Variants in SEMA3A observed in about 807,000 individuals in gnomAD.
SEMA3A encodes the protein semaphorin-3A.
SEMA3A carries 29 observed loss-of-function variants against 97.9 expected under a neutral mutation model. That is an observed-to-expected ratio of 0.30 (90% CI 0.22 to 0.40). The LOEUF (loss-of-function observed/expected upper bound fraction) is 0.40, where lower values mean the gene tolerates loss of function less well. SEMA3A is among the 10% of genes least tolerant of loss of function. The pLI, the probability that SEMA3A is intolerant of heterozygous loss-of-function variation, is 1.00. For synonymous variants in SEMA3A, 321 were observed against 323.7 expected (o/e 0.99, Z 0.09); for missense variants, 763 against 951.3 (o/e 0.80, Z 2.60).
intron 6 of SEMA3A, among the ~76,000 whole-genome samples, chr7:84,042,416 T>G (rs1792167810): frequency 6.6e-6 from 1 of 152,040 alleles, no homozygotes; most frequent in Non-Finnish European, 1.5e-5. Flanking sequence ...CCCCAGGCCT[T>G]GGGATCCATG....
intron 3 of SEMA3A, among the ~76,000 whole-genome samples, chr7:84,213,171 T>G (rs1340121969): frequency 5.9e-5 from 9 of 151,954 alleles, no homozygotes; most frequent in African/African-American, 1.5e-4. Context: ...GAGATGGTGT[T>G]TCTCCATGTT....
chr7:84,133,811 G>A (rs1257298344), intron 2 of SEMA3A, among the ~76,000 whole-genome samples: 1 of 149,392 alleles, frequency 6.7e-6, no homozygotes, highest in Admixed American at 6.7e-5. Context: ...AGCACTTTGA[G>A]AGGCCAAGGC....
chr7:84,227,806 C>T (rs1799023790), intron 3 of SEMA3A, among the ~76,000 whole-genome samples: 1 of 151,892 alleles, frequency 6.6e-6, no homozygotes, highest in African/African-American at 2.4e-5. Flanking sequence ...CCTTCTTTGC[C>T]AGTTTGAAAT....
intron 12 of SEMA3A, among the ~76,000 whole-genome samples, chr7:83,985,736 A>G (rs1354948160): frequency 6.6e-6 from 1 of 152,220 alleles, no homozygotes; most frequent in African/African-American, 2.4e-5. Context: ...TTACTACAAT[A>G]TAAGGGAAAA....
rs1161357364 is a variant in SEMA3A at position 83,972,086 on chromosome 7, T to C, written c.1717+5046A>G. 2.0e-5 allele frequency among the ~76,000 whole-genome samples: 3 copies of C among 152,088 alleles called. No individual in the cohort carries two copies. The East Asian group carries it at 5.8e-4, about 29-fold the overall frequency. ...ACATATATATACACATACATATACA[T>C]AGATATAGGTATGAATATATATACA... On this transcript the variant is annotated intron_variant, in intron 15 of 16. Coordinates refer to ENST00000265362, the MANE Select transcript of SEMA3A (RefSeq NM_006080.3).
At chr7:84,018,278 T>G (rs1791184979) in intron 6 of SEMA3A, among the ~76,000 whole-genome samples, 2 of 152,110 alleles carry the variant, frequency 1.3e-5, no homozygotes, top group African/African-American at 4.8e-5. Flanking sequence ...AAGTCTAAGG[T>G]CTCTCACTAT....
chr7:84,403,892 G>C (rs1803984244), intron 1 of SEMA3A, among the ~76,000 whole-genome samples: 1 of 152,160 alleles, frequency 6.6e-6, no homozygotes, highest in African/African-American at 2.4e-5. Flanking sequence ...AAACCCATCT[G>C]TAGGTCACCA....
At chr7:84,472,881 G>A (rs999450610) in intron 1 of SEMA3A, among the ~76,000 whole-genome samples, 1 of 152,168 alleles carries the variant, frequency 6.6e-6, no homozygotes, top group Non-Finnish European at 1.5e-5. Flanking sequence ...TCCCAAAGTG[G>A]CAGATGATAT....
intron 1 of SEMA3A, among the ~76,000 whole-genome samples, chr7:84,381,181 A>T (rs1285107762): frequency 1.3e-5 from 2 of 152,178 alleles, no homozygotes; most frequent in Non-Finnish European, 2.9e-5. Context: ...ACTCTACTCA[A>T]TAAAGAGAGG....
intron 12 of SEMA3A, among the ~76,000 whole-genome samples, chr7:83,988,324 T>C (rs1789724607): frequency 6.6e-6 from 1 of 151,878 alleles, no homozygotes. Flanking sequence ...CCCCTCGGGT[T>C]CATGCCATTC....
chr7:84,449,960 A>G (rs1183425881), intron 1 of SEMA3A, among the ~76,000 whole-genome samples: 1 of 152,074 alleles, frequency 6.6e-6, no homozygotes, highest in Non-Finnish European at 1.5e-5. Context: ...CTATTACAAC[A>G]TTTCCTTTAT....
chr7:84,346,828 A>G (rs1802311528), intron 2 of SEMA3A, among the ~76,000 whole-genome samples: 1 of 152,230 alleles, frequency 6.6e-6, no homozygotes. Context: ...AAATGGTGCC[A>G]AACGTTGCTT....
chr7:84,336,302 A>ACTTACTCCTGTAATCTCAG, intron 2 of SEMA3A, among the ~76,000 whole-genome samples: 1 of 152,152 alleles, frequency 6.6e-6, no homozygotes, highest in South Asian at 2.1e-4. Flanking sequence ...AAACAGAAGA[A>ACTTACTCCTGTAATCTCAG]CACCAAACAT....
chr7:84,388,203 A>T (rs1182162815), intron 1 of SEMA3A, among the ~76,000 whole-genome samples: 1 of 152,146 alleles, frequency 6.6e-6, no homozygotes, highest in African/African-American at 2.4e-5. Flanking sequence ...TACTTAGCTC[A>T]TATAAGAAAC....
At chr7:84,369,199 G>A (rs1802919165) in intron 2 of SEMA3A, among the ~76,000 whole-genome samples, 1 of 150,950 alleles carries the variant, frequency 6.6e-6, no homozygotes, top group African/African-American at 2.4e-5. Context: ...ATGAATTTGG[G>A]ATGTCTGGAA....
chr7:84,489,038 T>C (rs1473843199), intron 1 of SEMA3A: 2 of 152,260 alleles, frequency 1.3e-5, no homozygotes, highest in East Asian at 1.9e-4. Context: ...CTCACACTGC[T>C]ATGAAGAGAT....
chr7:84,012,679 G>A lies in SEMA3A; in HGVS notation c.811-1382C>T, dbSNP rs780980846. Among the ~76,000 whole-genome samples the A allele has an allele frequency of 2.4e-4, 36 of 152,230 alleles. No homozygotes were observed. In the East Asian group the frequency reaches 5.8e-3, roughly 24 times the overall value. On this transcript the variant is annotated intron_variant, in intron 7 of 16. Coordinates refer to ENST00000265362, the MANE Select transcript of SEMA3A (RefSeq NM_006080.3). ...ACGTTGAGAAAATATTTGAATAACC[G>A]TTAATAAAGGAAACTCATTCCAGAG...
Position 83,998,435 on chromosome 7 carries a change from T to G in SEMA3A, c.1452+3520A>C, listed in dbSNP as rs542500253. Among the ~76,000 whole-genome samples the G allele has an allele frequency of 2.1e-4, 32 of 152,208 alleles. No individual in the cohort carries two copies. In the South Asian group the frequency reaches 5.0e-3, roughly 24 times the overall value. On this transcript the variant is annotated intron_variant, in intron 12 of 16. Transcript: ENST00000265362. ...TTAAATGGTACACCTGTGTAGGGCA[T>G]TTATCATGAATGGAGCTTGCAGGAC...
At chr7:84,483,051 C>T (rs1221209269) in intron 1 of SEMA3A, among the ~76,000 whole-genome samples, 6 of 152,032 alleles carry the variant, frequency 3.9e-5, no homozygotes, top group Non-Finnish European at 8.8e-5. Context: ...CAAATCAAAA[C>T]TATAAATAAT....
Sources: gnomAD v4.1 joint callset for allele counts (sites outside exome capture counted in the v4.1 genomes callset) on GRCh38, gnomAD v4.1.1 for gene constraint, MANE v1.5 for transcripts, NCBI Gene and HGNC (gene_info 2026-07-23, HGNC 2026-07-21) for gene names.